The following CACNA1B variants were observed in gnomAD, a reference collection of about 807,000 sequenced individuals.
CACNA1B encodes the protein calcium voltage-gated channel subunit alpha1 B, also known as voltage-dependent N-type calcium channel subunit alpha-1B.
In CACNA1B, 70 loss-of-function variants were observed where a neutral mutation model predicts 247.2. That is an observed-to-expected ratio of 0.28 (90% CI 0.23 to 0.35). CACNA1B has a LOEUF of 0.35. CACNA1B is among the 10% of genes least tolerant of loss of function. The pLI is 1.00. For synonymous variants in CACNA1B, 1,231 were observed against 1,294.4 expected (o/e 0.95, Z 1.05); for missense variants, 2,367 against 3,197.4 (o/e 0.74, Z 6.26).
At chr9:137,910,837 C>T (rs1957352168) in intron 3 of CACNA1B, among the ~76,000 whole-genome samples, 1 of 152,132 alleles carries the variant, frequency 6.6e-6, no homozygotes, top group Non-Finnish European at 1.5e-5. Context: ...TGGTCTGTGG[C>T]CTGAGGGTTG....
At chr9:137,927,112 T>C (rs1489830326) in intron 6 of CACNA1B, among the ~76,000 whole-genome samples, 1 of 152,252 alleles carries the variant, frequency 6.6e-6, no homozygotes, top group African/African-American at 2.4e-5. Context: ...CTGTCAAATC[T>C]AATATTGTGA....
At chr9:137,903,981 G>A (rs541605687) in intron 3 of CACNA1B, among the ~76,000 whole-genome samples, 40 of 152,324 alleles carry the variant, frequency 2.6e-4, no homozygotes, top group African/African-American at 9.1e-4. Flanking sequence ...GCTGGGCAGC[G>A]CTTTGTTTGC....
At chr9:137,912,921 T>C (rs912166468) in intron 3 of CACNA1B, among the ~76,000 whole-genome samples, 4 of 152,106 alleles carry the variant, frequency 2.6e-5, no homozygotes, top group African/African-American at 7.2e-5. Flanking sequence ...GGTTTGGTCA[T>C]GTGGGTGATT....
intron 6 of CACNA1B, among the ~76,000 whole-genome samples, chr9:137,942,156 G>A (rs1219104399): frequency 6.6e-6 from 1 of 152,090 alleles, no homozygotes; most frequent in Non-Finnish European, 1.5e-5. Context: ...CCATCAAAAA[G>A]TGGGCTAAGG....
intron 3 of CACNA1B, among the ~76,000 whole-genome samples, chr9:137,897,097 T>C (rs1486486138): frequency 6.6e-6 from 1 of 152,176 alleles, no homozygotes; most frequent in Non-Finnish European, 1.5e-5. Flanking sequence ...GAGCCAGCTC[T>C]CTGTTTGTAT....
intron 25 of CACNA1B, 139 bp from the exon 26 acceptor site, chr9:138,053,707 A>T (rs1376491719): frequency 3.7e-6 from 2 of 542,588 alleles, no homozygotes; most frequent in African/African-American, 2.5e-5. Context: ...CCATTCCCTT[A>T]CGGCCATGCC....
At chr9:138,028,646 G>A (rs1958950779) in intron 20 of CACNA1B, among the ~76,000 whole-genome samples, 1 of 152,232 alleles carries the variant, frequency 6.6e-6, no homozygotes, top group South Asian at 2.1e-4. Context: ...AAACCAGGAA[G>A]ATGCAGCCTT....
At chr9:138,021,027 T>C (rs936007645) in intron 18 of CACNA1B, among the ~76,000 whole-genome samples, 2 of 151,930 alleles carry the variant, frequency 1.3e-5, no homozygotes, top group African/African-American at 2.4e-5. Context: ...GGCACTGGAG[T>C]GGACTGGGAG....
At chr9:138,044,805 C>T (rs1959169502) in intron 21 of CACNA1B, among the ~76,000 whole-genome samples, 1 of 152,258 alleles carries the variant, frequency 6.6e-6, no homozygotes, top group African/African-American at 2.4e-5. Flanking sequence ...TTCTACCAAG[C>T]CCTGCATTAC....
At chr9:138,092,070 A>C (rs1960898641) in intron 36 of CACNA1B, among the ~76,000 whole-genome samples, 1 of 152,236 alleles carries the variant, frequency 6.6e-6, no homozygotes, top group South Asian at 2.1e-4. Context: ...AAAGATCACA[A>C]GGGCAGAGAG....
rs2133388278 is a variant in CACNA1B, at chr9:137,990,830, T to G, written c.1974+3976T>G. Among the ~76,000 whole-genome samples the G allele has an allele frequency of 6.6e-6, 1 of 152,232 alleles. No individual in the cohort carries two copies. Among genetic ancestry groups the G allele is most frequent in the Middle Eastern group, 3.4e-3 (1 of 294 alleles). ...CCTGAAGCCTGGTAGCTCCACTGGG[T>G]GGGTAGACCTGCAAGAGCAAAAACA... On this transcript the variant is annotated intron_variant, in intron 15 of 46. Coordinates refer to ENST00000371372, the MANE Select transcript of CACNA1B (RefSeq NM_000718.4). The surrounding 1 kb of genome is among the most constrained non-coding windows in gnomAD (Gnocchi z 4.5).
chr9:138,084,755 T>C (rs1564278933), intron 36 of CACNA1B, among the ~76,000 whole-genome samples: 1 of 150,918 alleles, frequency 6.6e-6, no homozygotes, highest in Non-Finnish European at 1.5e-5. Context: ...ATCAAGACCA[T>C]CCTGGCTAAC....
At chr9:138,115,327 G>T (rs1961815298) in intron 41 of CACNA1B, among the ~76,000 whole-genome samples, 4 of 152,210 alleles carry the variant, frequency 2.6e-5, no homozygotes, top group African/African-American at 9.7e-5. Flanking sequence ...AGGTTTTGAG[G>T]AGATGCTGTA....
At position 138,059,413 on chromosome 9, in the gene CACNA1B, C is replaced by G. The variant is rs1444090194; in HGVS notation, c.4584+224C>G. Among the ~76,000 whole-genome samples the G allele has an allele frequency of 6.6e-6, 1 of 152,120 alleles. No individual in the cohort carries two copies. Among genetic ancestry groups the G allele is most frequent in the African/African-American group, 2.4e-5 (1 of 41,422 alleles). The stretch of plus-strand genomic sequence containing the variant: ...GGGAGGGAGGCAGGGCTGGGTTCTT[C>G]CTCTTTGGACACATGGCTCTTAGTC... On this transcript the variant is annotated intron_variant, in intron 30 of 46. Transcript: ENST00000371372. The surrounding 1 kb of genome is among the most constrained non-coding windows in gnomAD (Gnocchi z 4.2).
intron 15 of CACNA1B, among the ~76,000 whole-genome samples, chr9:137,998,162 C>T (rs190014078): frequency 4.5e-4 from 69 of 152,172 alleles, no homozygotes; most frequent in African/African-American, 1.6e-3. Context: ...CTGGGGAGTT[C>T]TGGCCACATT....
intron 42 of CACNA1B, among the ~76,000 whole-genome samples, chr9:138,116,836 G>A (rs1961884232): frequency 6.6e-6 from 1 of 152,190 alleles, no homozygotes; most frequent in Admixed American, 6.5e-5. Flanking sequence ...TGCCACTGCG[G>A]CCGCTCTGTG....
rs1422650754 is a variant in CACNA1B at position 137,914,495 on chromosome 9, C to G, written c.623-159C>G. 6.6e-6 allele frequency among the ~76,000 whole-genome samples: 1 copy of G among 152,196 alleles called. No individual in the cohort carries two copies. Among genetic ancestry groups the G allele is most frequent in the East Asian group, 1.9e-4 (1 of 5,202 alleles). ...CACAAGCACTCTCTGCCCCTCTGCGCCTTAAGGGGCTTCAGCTCTATCCTT... is the reference window on the plus strand; with the variant it reads ...CACAAGCACTCTCTGCCCCTCTGCGGCTTAAGGGGCTTCAGCTCTATCCTT... On this transcript the variant is annotated intron_variant, in intron 4 of 46. Coordinates refer to ENST00000371372, the MANE Select transcript of CACNA1B (RefSeq NM_000718.4). This position sits in a 1 kb window ranked among gnomAD's most constrained non-coding sequence, Gnocchi z 4.3.
At chr9:138,033,794 G>A (rs142610118) in intron 20 of CACNA1B, among the ~76,000 whole-genome samples, 9 of 152,230 alleles carry the variant, frequency 5.9e-5, no homozygotes, top group Non-Finnish European at 1.0e-4. Flanking sequence ...TCACTATCAC[G>A]AGAACAGCAT....
intron 31 of CACNA1B, among the ~76,000 whole-genome samples, chr9:138,060,653 C>T (rs1002950096): frequency 6.6e-6 from 1 of 152,234 alleles, no homozygotes; most frequent in East Asian, 1.9e-4. Flanking sequence ...GAGTGTGCCA[C>T]GAGTGCTGCA....
Sources: gnomAD v4.1 joint callset for allele counts (sites outside exome capture counted in the v4.1 genomes callset) on GRCh38, gnomAD v4.1.1 for gene constraint, Gnocchi (gnomAD v3.1) non-coding constraint, MANE v1.5 for transcripts, NCBI Gene and HGNC (gene_info 2026-07-23, HGNC 2026-07-21) for gene names.